Variants in HELQ observed in about 807,000 individuals in gnomAD.
HELQ encodes helicase POLQ-like.
HELQ carries 77 observed loss-of-function variants against 111.6 expected under a neutral mutation model. The observed-to-expected ratio is 0.69, with a 90% CI of 0.57 to 0.83. The LOEUF is 0.83. Among genes scored for constraint, HELQ ranks in the 40% least tolerant of loss-of-function variants. The pLI, the probability that HELQ is intolerant of heterozygous loss-of-function variation, is 0.00. For synonymous variants in HELQ, 438 were observed against 454.7 expected (o/e 0.96, Z 0.47); for missense variants, 1,200 against 1,288.5 (o/e 0.93, Z 1.05).
chr4:83,435,608 G>A (rs781661063), intron 9 of HELQ, among the ~76,000 whole-genome samples: 14 of 151,938 alleles, frequency 9.2e-5, no homozygotes, highest in South Asian at 2.1e-4. Context: ...AAAGATGTGG[G>A]ATATAAGAGG....
intron 14 of HELQ, 54 bp downstream of exon 14, chr4:83,425,940 T>G: frequency 4.5e-6 from 4 of 895,866 alleles, no homozygotes; most frequent in Non-Finnish European, 7.3e-6. Context: ...ACTTAGTGAG[T>G]GAACTAAGTG....
intron 2 of HELQ, among the ~76,000 whole-genome samples, chr4:83,452,675 T>A (rs1018889317): frequency 1.3e-5 from 2 of 152,058 alleles, no homozygotes; most frequent in Non-Finnish European, 2.9e-5. Context: ...ACAGGAGTGG[T>A]TGTAAGGACA....
At chr4:83,425,528 C>T (rs1221095011) in intron 14 of HELQ, among the ~76,000 whole-genome samples, 1 of 152,100 alleles carries the variant, frequency 6.6e-6, no homozygotes, top group Non-Finnish European at 1.5e-5. Flanking sequence ...ATATATCACA[C>T]CAACGAGTAT....
At chr4:83,442,228 T>C (rs988550799) in intron 6 of HELQ, among the ~76,000 whole-genome samples, 12 of 151,642 alleles carry the variant, frequency 7.9e-5, no homozygotes, top group Non-Finnish European at 5.9e-5. Context: ...CTCTTGAAAA[T>C]GTTCCTATCT....
chr4:83,442,024 C>T (rs770479665), intron 6 of HELQ, among the ~76,000 whole-genome samples: 54 of 152,092 alleles, frequency 3.6e-4, no homozygotes, highest in Non-Finnish European at 4.3e-4. Context: ...CACAGCCTCT[C>T]AAAGTGCTAG....
intron 6 of HELQ, among the ~76,000 whole-genome samples, chr4:83,442,502 A>C (rs1019561010): frequency 1.3e-5 from 2 of 149,086 alleles, no homozygotes; most frequent in Non-Finnish European, 3.0e-5. Context: ...CCTTCGCCCC[A>C]CTGGGTTCAA....
Position 83,433,527 on chromosome 4 carries a change from G to A in HELQ, c.2049-1260C>T, listed in dbSNP as rs1045848589. On this transcript the variant is annotated intron_variant, in intron 9 of 17. Transcript: ENST00000295488. ...CTAAAAATAAAAAAATTAGCTGGTC[G>A]TGGTGGCAGGCGCCTGTAGTCCCAG... Among the ~76,000 whole-genome samples the A allele has an allele frequency of 1.8e-4, 27 of 151,898 alleles. No homozygotes were observed. The South Asian group carries it at 2.5e-3, about 14-fold the overall frequency.
intron 10 of HELQ, 108 bp from the exon 11 acceptor site, chr4:83,431,876 C>CA (rs1720171485): frequency 2.5e-5 from 13 of 514,794 alleles, no homozygotes; most frequent in East Asian, 1.1e-4. Flanking sequence ...AGAAGGAGAC[C>CA]AAAAAAGTAA....
intron 15 of HELQ, 130 bp downstream of exon 15, chr4:83,421,433 A>T: frequency 1.6e-6 from 1 of 636,310 alleles, no homozygotes. Context: ...ATAGTTTTTT[A>T]GTGCTCTGTA....
intron 14 of HELQ, among the ~76,000 whole-genome samples, chr4:83,422,562 G>GCCAAGGAACA (rs1287463794): frequency 6.6e-6 from 1 of 152,194 alleles, no homozygotes; most frequent in Non-Finnish European, 1.5e-5. Flanking sequence ...GCATCTATAA[G>GCCAAGGAACA]CCAAGGAACA....
At chr4:83,429,786 T>A (rs1166290968) in intron 11 of HELQ, 40 bp from the exon 12 acceptor site, 1 of 1,345,880 alleles carries the variant, frequency 7.4e-7, no homozygotes, top group East Asian at 2.3e-5. Flanking sequence ...TTTTCCTTAA[T>A]TCAAGGCATC....
rs1200416190 is a variant in HELQ, at chr4:83,448,907, A to G, written c.1067T>C (p.Ile356Thr). ...LNSVQERKNL[I>T]YSLPTSGGKT... ...TCCACCACTTGTTGGCAAGGAATAT[A>G]TTAAATTTTTTCTTTCTTGCACAGA... The change falls in exon 3 of 18, where the codon ATA becomes ACA. Residue 356 changes from isoleucine to threonine, a missense_variant. Ile to Thr is a moderately conservative substitution (Grantham distance 89). This residue lies in a region of HELQ where 610 missense variants were observed against 607.1 expected (regional missense o/e 1.00). Transcript: ENST00000295488. The G allele has an allele frequency of 6.2e-7, 1 of 1,612,590 alleles. No homozygotes were observed. Among genetic ancestry groups the G allele is most frequent in the Non-Finnish European group, 8.5e-7 (1 of 1,178,828 alleles).
intron 6 of HELQ, among the ~76,000 whole-genome samples, chr4:83,442,235 A>G (rs1720799310): frequency 2.3e-5 from 3 of 131,050 alleles, no homozygotes; most frequent in South Asian, 2.6e-4. Flanking sequence ...AAATGTTCCT[A>G]TCTGGTTCAA....
upstream of HELQ, chr4:83,455,846 G>A (rs1287902278): frequency 1.2e-5 from 10 of 811,408 alleles, no homozygotes; most frequent in South Asian, 4.9e-5. Context: ...CCGGAAGCAC[G>A]CATAAACTTC....
intron 14 of HELQ, among the ~76,000 whole-genome samples, chr4:83,424,721 C>A (rs1225780536): frequency 1.3e-5 from 2 of 152,072 alleles, no homozygotes; most frequent in African/African-American, 2.4e-5. Context: ...CCACACATAG[C>A]TAATTTTTGT....
chr4:83,439,811 T>A, intron 8 of HELQ, 52 bp downstream of exon 8: 1 of 1,168,064 alleles, frequency 8.6e-7, no homozygotes, highest in Non-Finnish European at 1.2e-6. Flanking sequence ...TAATACATAG[T>A]CTGTAATTCC....
intron 11 of HELQ, among the ~76,000 whole-genome samples, chr4:83,430,412 C>G (rs1720079249): frequency 6.6e-6 from 1 of 152,110 alleles, no homozygotes; most frequent in Admixed American, 6.5e-5. Flanking sequence ...TTTTGTCTCT[C>G]TCATTCCTAT....
intron 17 of HELQ, among the ~76,000 whole-genome samples, chr4:83,410,699 T>C (rs772781071): frequency 6.6e-6 from 1 of 152,210 alleles, no homozygotes; most frequent in Non-Finnish European, 1.5e-5. Flanking sequence ...CTCTTGAATC[T>C]GTGCTAGCCT....
chr4:83,455,385 A>G lies in HELQ; in HGVS notation c.297+12T>C, dbSNP rs1269632117. On this transcript the variant is annotated intron_variant, in intron 1 of 17. Transcript: ENST00000295488. ...CAAAAGTTTGCAGTTTCAAGTTCCA[A>G]GTCCTCCGTACCTGGTCTCCCACCC... The G allele has an allele frequency of 1.2e-6, 2 of 1,603,096 alleles. No homozygotes were observed. The highest frequency in any genetic ancestry group is 3.3e-5 in the Admixed American group (2 of 59,720).
Sources: allele counts gnomAD v4.1 joint callset (sites outside exome capture counted in the v4.1 genomes callset), GRCh38; gene constraint gnomAD v4.1.1; regional missense constraint gnomAD v4.1.1; transcripts MANE v1.5; gene names NCBI Gene and HGNC (gene_info 2026-07-23, HGNC 2026-07-21).